The following FRAS1 variants were observed in gnomAD, a reference collection of about 807,000 sequenced individuals.
The protein encoded by FRAS1 is Fraser extracellular matrix complex subunit 1.
In FRAS1, 290 loss-of-function variants were observed where a neutral mutation model predicts 435.2. The observed-to-expected ratio is 0.67, with a 90% CI of 0.61 to 0.73. FRAS1 has a LOEUF of 0.73. FRAS1 is among the 30% of genes least tolerant of loss of function. The probability of loss-of-function intolerance (pLI) is 0.00; values close to 1 mark genes in which losing one functional copy is unlikely to be tolerated. For synonymous variants in FRAS1, 1,800 were observed against 1,851.0 expected (o/e 0.97, Z 0.71); for missense variants, 4,860 against 5,001.5 (o/e 0.97, Z 0.85).
At chr4:78,196,644 A>C (rs991492694) in intron 2 of FRAS1, among the ~76,000 whole-genome samples, 23 of 152,214 alleles carry the variant, frequency 1.5e-4, no homozygotes, top group African/African-American at 5.5e-4. Flanking sequence ...ACTTGATTGT[A>C]ATGGTGTCTG....
chr4:78,168,711 T>G (rs1384058092), intron 2 of FRAS1, among the ~76,000 whole-genome samples: 1 of 152,084 alleles, frequency 6.6e-6, no homozygotes, highest in Non-Finnish European at 1.5e-5. Context: ...ATAATTTTTT[T>G]CCCTATAGAG....
At position 78,200,903 on chromosome 4, in the gene FRAS1, G is replaced by A. The variant is rs907720308; in HGVS notation, c.109-36607G>A. ...TATATATATGTATATATATAAATACGTATATATATATATATGTTAAATATA... is the reference window on the plus strand; with the variant it reads ...TATATATATGTATATATATAAATACATATATATATATATATGTTAAATATA... On this transcript the variant is annotated intron_variant, in intron 2 of 73. Coordinates refer to ENST00000512123, the MANE Select transcript of FRAS1 (RefSeq NM_025074.7). Among the ~76,000 whole-genome samples the A allele has an allele frequency of 6.3e-5, 9 of 142,624 alleles. No homozygotes were observed. The South Asian group carries it at 6.5e-4, about 10-fold the overall frequency. The allele number at this position is 142,624 out of a possible 152,430, so 93.6% of individuals were successfully genotyped here. A position where few individuals can be genotyped will look rare whatever the true frequency, so the allele number is the denominator to read the frequency against.
chr4:78,137,269 G>A (rs981739432), intron 2 of FRAS1, among the ~76,000 whole-genome samples: 4 of 152,092 alleles, frequency 2.6e-5, no homozygotes, highest in African/African-American at 4.8e-5. Flanking sequence ...TTGTCCAGAG[G>A]CTCTTTATAG....
At position 78,531,829 on chromosome 4, in the gene FRAS1, A is replaced by G. The variant is rs57306945; in HGVS notation, c.10926-2620A>G. On this transcript the variant is annotated intron_variant, in intron 70 of 73. Coordinates refer to ENST00000512123, the MANE Select transcript of FRAS1 (RefSeq NM_025074.7). ...GGCTGTTCACAGAAAAGCTTTGTCAATCTCTCTGTTCTAGGTGCTTACACC... is the reference window on the plus strand; with the variant it reads ...GGCTGTTCACAGAAAAGCTTTGTCAGTCTCTCTGTTCTAGGTGCTTACACC... Among the ~76,000 whole-genome samples, 107 of 152,292 alleles carry G rather than the reference A, an allele frequency of 7.0e-4. 1 individual carries two copies. Among genetic ancestry groups the G allele is most frequent in the African/African-American group, 2.4e-3 (101 of 41,562 alleles).
intron 62 of FRAS1, 22 bp downstream of exon 62, chr4:78,507,630 A>G: frequency 6.4e-7 from 1 of 1,568,998 alleles, no homozygotes; most frequent in South Asian, 1.2e-5. Context: ...GACCCAAAGG[A>G]TTGCTGTTTT....
At chr4:78,474,010 G>C (rs536257533) in intron 53 of FRAS1, among the ~76,000 whole-genome samples, 1 of 152,210 alleles carries the variant, frequency 6.6e-6, no homozygotes, top group Non-Finnish European at 1.5e-5. Flanking sequence ...TTTTAGAAGA[G>C]AGTCTAGTAG....
chr4:78,340,895 C>A (rs751933573), intron 20 of FRAS1, among the ~76,000 whole-genome samples: 1 of 152,138 alleles, frequency 6.6e-6, no homozygotes, highest in Non-Finnish European at 1.5e-5. Context: ...CCTTTAATAT[C>A]CTTATTTTAA....
At chr4:78,142,222 G>A (rs1720224824) in intron 2 of FRAS1, among the ~76,000 whole-genome samples, 3 of 152,014 alleles carry the variant, frequency 2.0e-5, no homozygotes, top group South Asian at 4.2e-4. Flanking sequence ...CATCCTATGA[G>A]TAAGAGTGAG....
At chr4:78,471,124 C>T (rs1236972973) in intron 51 of FRAS1, among the ~76,000 whole-genome samples, 1 of 152,146 alleles carries the variant, frequency 6.6e-6, no homozygotes, top group Non-Finnish European at 1.5e-5. Flanking sequence ...GCATTGCTTT[C>T]TCTTTCTCCT....
Position 78,092,805 on chromosome 4 carries a change from G to C in FRAS1, c.108+26789G>C, listed in dbSNP as rs543899038. Among the ~76,000 whole-genome samples the C allele has an allele frequency of 6.0e-4, 91 of 152,184 alleles. 2 individuals are homozygous for C. The highest frequency in any genetic ancestry group is 1.6e-4 in the Non-Finnish European group (11 of 68,034). The stretch of plus-strand genomic sequence containing the variant: ...ATTTGGCACTTTTGCCACCCCAGAT[G>C]CATCGATAGAGACTGGGTTAAAAGG... On this transcript the variant is annotated intron_variant, in intron 2 of 73. Coordinates refer to ENST00000512123, the MANE Select transcript of FRAS1 (RefSeq NM_025074.7).
chr4:78,522,589 A>G (rs1721419048), intron 68 of FRAS1, 60 bp from the exon 69 acceptor site: 1 of 1,386,360 alleles, frequency 7.2e-7, no homozygotes, highest in Non-Finnish European at 9.9e-7. Context: ...TCTACCAGGT[A>G]CAGTCAAACT....
chr4:78,467,182 A>G (rs1430371531), intron 50 of FRAS1, among the ~76,000 whole-genome samples: 8 of 152,128 alleles, frequency 5.3e-5, no homozygotes, highest in African/African-American at 1.9e-4. Flanking sequence ...TTATTCATTC[A>G]TTCTAACTTT....
At chr4:78,204,450 T>C (rs922214876) in intron 2 of FRAS1, among the ~76,000 whole-genome samples, 1 of 152,182 alleles carries the variant, frequency 6.6e-6, no homozygotes, top group Admixed American at 6.5e-5. Flanking sequence ...TCTCCATTCA[T>C]ACAGAGATTG....
intron 49 of FRAS1, 122 bp from the exon 50 acceptor site, chr4:78,466,086 A>G (rs1394577762): frequency 7.1e-6 from 5 of 699,932 alleles, no homozygotes; most frequent in African/African-American, 5.3e-5. Flanking sequence ...TAAAGAAAAT[A>G]CAGTCCTTAC....
At chr4:78,182,896 G>GA (rs11431345) in intron 2 of FRAS1, among the ~76,000 whole-genome samples, 38,488 of 137,538 alleles carry the variant, frequency 0.28, 6,415 homozygotes, top group East Asian at 0.52. Flanking sequence ...AAGAAAAAAA[G>GA]AAAAAAAAAA....
At chr4:78,385,064 C>T (rs1732171254) in intron 28 of FRAS1, among the ~76,000 whole-genome samples, 1 of 152,048 alleles carries the variant, frequency 6.6e-6, no homozygotes, top group Non-Finnish European at 1.5e-5. Flanking sequence ...CAACAAAACA[C>T]AGACATAAGG....
intron 22 of FRAS1, among the ~76,000 whole-genome samples, chr4:78,367,080 ATC>A (rs1731300096): frequency 6.6e-6 from 1 of 152,160 alleles, no homozygotes; most frequent in African/African-American, 2.4e-5. Context: ...TGAGGTATAC[ATC>A]ACGGTTCCAC....
In FRAS1 at chr4:78,441,219, G is replaced by A; in HGVS notation, c.5587G>A (p.Asp1863Asn). 6.2e-7 allele frequency: 1 copy of A among 1,613,804 alleles called. No homozygotes were observed. The highest frequency in any genetic ancestry group is 8.5e-7 in the Non-Finnish European group (1 of 1,179,758). ...SFHHFFATDD[D>N]DNLQRDAIIK... ...TCACCATTTTTTTGCTACTGATGAT[G>A]ATGACAACCTCCAGAGAGATGCCAT... The change falls in exon 41 of 74, where the codon GAT becomes AAT. Residue 1863 changes from aspartate to asparagine, a missense_variant. Asp to Asn is a conservative substitution (Grantham distance 23). Coordinates refer to ENST00000512123, the MANE Select transcript of FRAS1 (RefSeq NM_025074.7).
intron 64 of FRAS1, 52 bp downstream of exon 64, chr4:78,511,558 C>A: frequency 7.6e-7 from 1 of 1,315,966 alleles, no homozygotes; most frequent in South Asian, 1.2e-5. Flanking sequence ...AATCTCAGGT[C>A]TCCTTTGTGT....
Sources: gnomAD v4.1 joint callset for allele counts (sites outside exome capture counted in the v4.1 genomes callset) on GRCh38, gnomAD v4.1.1 for gene constraint, MANE v1.5 for transcripts, NCBI Gene and HGNC (gene_info 2026-07-23, HGNC 2026-07-21) for gene names.